SH3YL1: variants seen among roughly 807,000 people sequenced by gnomAD.
SH3YL1 encodes the protein SH3 domain-containing YSC84-like protein 1.
SH3YL1 carries 41 observed loss-of-function variants against 45.8 expected under a neutral mutation model. The ratio of observed to expected loss-of-function variants is 0.89; its 90% CI spans 0.70 to 1.16. SH3YL1 has a LOEUF of 1.16. SH3YL1 is among the 50% of genes most tolerant of loss of function. The pLI is 0.00. For synonymous variants in SH3YL1, 152 were observed against 151.4 expected, an observed-to-expected ratio of 1.00 and a Z score of -0.03; for missense variants, 389 against 409.6, an observed-to-expected ratio of 0.95 and a Z score of 0.43.
intron 1 of SH3YL1, chr2:262,132 T>C (rs1244403520): frequency 1.3e-5 from 2 of 154,290 alleles, no homozygotes; most frequent in African/African-American, 4.8e-5. Context: ...GCTACTTTTA[T>C]TAACAAAACT....
intron 7 of SH3YL1, chr2:230,319 G>C (rs1032606204): frequency 1.1e-5 from 3 of 262,396 alleles, no homozygotes; most frequent in Non-Finnish European, 2.2e-5. Context: ...GGAGCTGCAG[G>C]GACGGTGGTG....
intron 4 of SH3YL1, among the ~76,000 whole-genome samples, chr2:236,664 A>G (rs759148990): frequency 2.0e-5 from 3 of 152,202 alleles, no homozygotes; most frequent in Non-Finnish European, 4.4e-5. Flanking sequence ...AATCAGTTCA[A>G]TAAAACATGC....
In SH3YL1 at chr2:233,189, C is replaced by A. The variant is rs571683725; in HGVS notation, c.445G>T (p.Val149Phe). The A allele has an allele frequency of 1.3e-6, 2 of 1,593,348 alleles. No homozygotes were observed. The highest frequency in any genetic ancestry group is 1.7e-6 in the Non-Finnish European group (2 of 1,168,080). ...CCCCTTGACTTGCAGTACGTGAAGA[C>A]GGCAGCGGAGCTTCTCAGGGCCACG... ...GNVALRSSAA[V>F]FTYCKSRGLF... Residue 149 changes from valine to phenylalanine, a missense_variant, in exon 6 of 10, where the codon GTC becomes TTC. Physicochemically the swap from Val to Phe is conservative, Grantham distance 50. Transcript: ENST00000356150.
intron 8 of SH3YL1, among the ~76,000 whole-genome samples, chr2:226,251 A>C (rs1667779489): frequency 6.6e-6 from 1 of 152,226 alleles, no homozygotes. Context: ...TATGAAAAAC[A>C]AGATCAAAAG....
At chr2:231,253 A>G (rs1668029712) in intron 6 of SH3YL1, 62 bp from the exon 7 acceptor site, 1 of 1,292,356 alleles carries the variant, frequency 7.7e-7, no homozygotes, top group East Asian at 2.5e-5. Flanking sequence ...AGAGTTAAAC[A>G]TAGCATGTGC....
Position 242,912 on chromosome 2 carries a change from G to A in SH3YL1, c.291+4626C>T, listed in dbSNP as rs1008809865. 5.6e-6 allele frequency: 7 copies of A among 1,255,702 alleles called. No homozygotes were observed. In the African/African-American group the frequency reaches 1.1e-4, roughly 19 times the overall value. The allele number at this position is 1,255,702 out of a possible 1,614,324, so 77.8% of individuals were successfully genotyped here. A position where few individuals can be genotyped will look rare whatever the true frequency, so the allele number is the denominator to read the frequency against. ...CAAAAAATGTAATTAGGATTAAACA[G>A]GGACATATTATAATGATAAAATGGT... On this transcript the variant is annotated intron_variant, in intron 4 of 9. Transcript: ENST00000356150.
At chr2:263,896 G>A (rs928862134) in intron 1 of SH3YL1, 88 bp downstream of exon 1, 4 of 1,164,418 alleles carry the variant, frequency 3.4e-6, no homozygotes, top group Admixed American at 2.1e-5. Context: ...CAGAGGCATC[G>A]CCGGTTTTCC....
intron 1 of SH3YL1, among the ~76,000 whole-genome samples, chr2:258,134 G>A (rs1391691031): frequency 6.6e-6 from 1 of 152,102 alleles, no homozygotes; most frequent in South Asian, 2.1e-4. Context: ...GGCTATTTGG[G>A]CTCTTTCTTG....
chr2:252,244 G>C (rs190471125), intron 2 of SH3YL1, among the ~76,000 whole-genome samples: 1 of 152,328 alleles, frequency 6.6e-6, no homozygotes, highest in Admixed American at 6.5e-5. Context: ...AGGAATTACT[G>C]ATTAATGTCT....
At chr2:240,684 G>A (rs567440328) in intron 4 of SH3YL1, 2 of 152,410 alleles carry the variant, frequency 1.3e-5, no homozygotes, top group East Asian at 1.9e-4. Context: ...AAACAATGGA[G>A]CAATCAGCAG....
rs181799852 is a variant in SH3YL1, at chr2:261,997, A to C, written c.1+1987T>G. ...GAGGTTAACTCATTAAACTGATAAA[A>C]TTCCATCTAAGATCAAAGGAACTTG... On this transcript the variant is annotated intron_variant, in intron 1 of 9. Coordinates refer to ENST00000356150, the MANE Select transcript of SH3YL1 (RefSeq NM_015677.4). 2.7e-4 allele frequency among the ~76,000 whole-genome samples: 41 copies of C among 152,352 alleles called. No individual in the cohort carries two copies. In the East Asian group the frequency reaches 7.5e-3, roughly 28 times the overall value.
intron 2 of SH3YL1, among the ~76,000 whole-genome samples, chr2:250,513 T>C (rs1669029474): frequency 6.6e-6 from 1 of 152,256 alleles, no homozygotes; most frequent in Admixed American, 6.5e-5. Context: ...ATGAGGGTTA[T>C]TGGTATATGT....
chr2:259,447 T>C (rs1448392991), intron 1 of SH3YL1: 2 of 152,262 alleles, frequency 1.3e-5, no homozygotes, highest in South Asian at 2.1e-4. Flanking sequence ...TGCTTTTTTT[T>C]CTGTTTTTTC....
upstream of SH3YL1, chr2:264,439 C>T: frequency 5.4e-6 from 1 of 185,610 alleles, no homozygotes; most frequent in Non-Finnish European, 1.1e-5. Flanking sequence ...GGTGGGCGGC[C>T]CGCGGAGCCG....
intron 1 of SH3YL1, chr2:262,429 A>T: frequency 2.6e-6 from 1 of 380,826 alleles, no homozygotes; most frequent in Non-Finnish European, 4.6e-6. Flanking sequence ...CCCTCGGGAG[A>T]CAGGAAAGCC....
At chr2:257,556 C>T (rs1225644868) in intron 1 of SH3YL1, among the ~76,000 whole-genome samples, 1 of 152,212 alleles carries the variant, frequency 6.6e-6, no homozygotes, top group East Asian at 1.9e-4. Flanking sequence ...CACTCATACA[C>T]TGCTAAGTGT....
Position 224,788 on chromosome 2 carries a change from C to G in SH3YL1, c.838+76G>C, listed in dbSNP as rs926964709. Reference sequence around the variant, plus strand: ...AACACTTCCCAGAGATTTTCATAACCTGTCAGATTAATTAGGAAGTTTGTG... The same window carrying G: ...AACACTTCCCAGAGATTTTCATAACGTGTCAGATTAATTAGGAAGTTTGTG... On this transcript the variant is annotated intron_variant, in intron 9 of 9. Coordinates refer to ENST00000356150, the MANE Select transcript of SH3YL1 (RefSeq NM_015677.4). 4.7e-6 allele frequency: 5 copies of G among 1,066,600 alleles called. No individual in the cohort carries two copies. In the African/African-American group the frequency reaches 7.8e-5, roughly 17 times the overall value. 66.1% of individuals were successfully genotyped at this position (1,066,600 alleles called of 1,614,324 possible). A position where few individuals can be genotyped will look rare whatever the true frequency, so the allele number is the denominator to read the frequency against.
intron 8 of SH3YL1, 146 bp downstream of exon 8, chr2:229,820 G>T: frequency 2.8e-5 from 13 of 457,088 alleles, no homozygotes; most frequent in Non-Finnish European, 4.0e-5. Context: ...CATGTATTTA[G>T]AAGAGGCTGA....
chr2:246,035 A>C (rs1443782156), intron 4 of SH3YL1, among the ~76,000 whole-genome samples: 1 of 151,986 alleles, frequency 6.6e-6, no homozygotes, highest in Non-Finnish European at 1.5e-5. Flanking sequence ...ATCTCTACTA[A>C]AAATACAAAA....
Sources: allele counts gnomAD v4.1 joint callset (sites outside exome capture counted in the v4.1 genomes callset), GRCh38; gene constraint gnomAD v4.1.1; transcripts MANE v1.5; gene names NCBI Gene and HGNC (gene_info 2026-07-23, HGNC 2026-07-21).